LRRC37A2: variants seen among roughly 807,000 people sequenced by gnomAD.
LRRC37A2 encodes leucine rich repeat containing 37 member A2.
A neutral mutation model predicts 68.8 loss-of-function variants in LRRC37A2; 9 were observed. That is an observed-to-expected ratio of 0.13 (90% CI 0.08 to 0.23). The LOEUF is 0.23. Ranked by LOEUF, LRRC37A2 falls within the 10% of genes least tolerant of loss-of-function variation. The pLI, the probability that LRRC37A2 is intolerant of heterozygous loss-of-function variation, is 1.00. For synonymous variants in LRRC37A2, 63 were observed against 367.6 expected, an observed-to-expected ratio of 0.17 and a Z score of 9.48; for missense variants, 168 against 950.4, an observed-to-expected ratio of 0.18 and a Z score of 10.82.
At chr17:46,713,977 C>T in the LRRC37A2 span, 1 of 1,601,588 alleles carries the variant, frequency 6.2e-7, no homozygotes. Flanking sequence ...AATGTCAGGC[C>T]ATGAAGAAGG....
chr17:46,876,615 G>C, the LRRC37A2 span: 1 of 1,611,884 alleles, frequency 6.2e-7, no homozygotes, highest in Non-Finnish European at 8.5e-7. Context: ...GACACCCAGA[G>C]CCGCCTGGTG....
chr17:47,020,147 G>C, the LRRC37A2 span, among the ~76,000 whole-genome samples: 2 of 151,070 alleles, frequency 1.3e-5, no homozygotes, highest in Non-Finnish European at 2.9e-5. Flanking sequence ...GTGGTTAAGA[G>C]TTGATTCCAG....
chr17:46,730,294 T>A, the LRRC37A2 span, among the ~76,000 whole-genome samples: 1 of 152,186 alleles, frequency 6.6e-6, no homozygotes, highest in African/African-American at 2.4e-5. Flanking sequence ...TTTAAATTTA[T>A]CTCTTAAAAT....
the LRRC37A2 span, among the ~76,000 whole-genome samples, chr17:46,902,461 CGTGT>C: frequency 5.5e-4 from 81 of 148,102 alleles, no homozygotes; most frequent in Middle Eastern, 3.5e-3. Flanking sequence ...GGGAACAGTG[CGTGT>C]GTGTGTGTGT....
chr17:46,812,901 A>C, the LRRC37A2 span, among the ~76,000 whole-genome samples: 1 of 152,174 alleles, frequency 6.6e-6, no homozygotes, highest in African/African-American at 2.4e-5. Flanking sequence ...TCATTTTCAA[A>C]ACCCTATGAA....
chr17:47,026,786 T>C, the LRRC37A2 span, among the ~76,000 whole-genome samples: 1 of 152,324 alleles, frequency 6.6e-6, no homozygotes, highest in East Asian at 1.9e-4. Flanking sequence ...TTCAAAGTTA[T>C]GTATTAGGTA....
chr17:46,875,115 G>T, the LRRC37A2 span: 1 of 1,613,832 alleles, frequency 6.2e-7, no homozygotes, highest in Non-Finnish European at 8.5e-7. Context: ...CAAAGAGACA[G>T]CTTTCCTGTA....
chr17:46,962,188 G>T, the LRRC37A2 span, among the ~76,000 whole-genome samples: 2 of 152,164 alleles, frequency 1.3e-5, no homozygotes, highest in African/African-American at 4.8e-5. Context: ...AATTAGCCGG[G>T]CGTGATGGCA....
chr17:46,782,117 T>G, the LRRC37A2 span, among the ~76,000 whole-genome samples: 1 of 152,204 alleles, frequency 6.6e-6, no homozygotes, highest in South Asian at 2.1e-4. Context: ...CAGGGTGCTC[T>G]CCAGGGCCAA....
At chr17:46,793,902 C>T in the LRRC37A2 span, among the ~76,000 whole-genome samples, 635 of 152,268 alleles carry the variant, frequency 4.2e-3, 5 homozygotes, top group African/African-American at 0.015. Context: ...CCCATGCTAT[C>T]GCTATTTTGC....
chr17:46,802,673 A>G, the LRRC37A2 span, among the ~76,000 whole-genome samples: 1 of 152,180 alleles, frequency 6.6e-6, no homozygotes, highest in South Asian at 2.1e-4. Flanking sequence ...GGTTTAATCA[A>G]TGATACCTAT....
the LRRC37A2 span, among the ~76,000 whole-genome samples, chr17:46,961,633 A>G: frequency 6.6e-6 from 1 of 152,198 alleles, no homozygotes; most frequent in African/African-American, 2.4e-5. Flanking sequence ...ATAAATGAAA[A>G]GATGAAATAC....
chr17:46,742,953 G>A, the LRRC37A2 span, among the ~76,000 whole-genome samples: 1 of 152,156 alleles, frequency 6.6e-6, no homozygotes, highest in South Asian at 2.1e-4. Flanking sequence ...ATAGACCAAA[G>A]GACCTCTACC....
At chr17:46,858,662 G>A in the LRRC37A2 span, among the ~76,000 whole-genome samples, 64 of 151,922 alleles carry the variant, frequency 4.2e-4, no homozygotes, top group African/African-American at 8.2e-4. Flanking sequence ...TGATCCTCAG[G>A]GCCATTCCTC....
the LRRC37A2 span, among the ~76,000 whole-genome samples, chr17:46,823,109 ATATAT>A: frequency 8.9e-4 from 80 of 89,754 alleles, no homozygotes; most frequent in South Asian, 0.02. Context: ...TAATAAACAC[ATATAT>A]TATATATTAT....
At chr17:46,820,535 G>C in the LRRC37A2 span, among the ~76,000 whole-genome samples, 1 of 152,130 alleles carries the variant, frequency 6.6e-6, no homozygotes, top group Non-Finnish European at 1.5e-5. Flanking sequence ...TCGTGAACCT[G>C]ACCAGGAGTG....
At chr17:46,958,662 A>G in the LRRC37A2 span, among the ~76,000 whole-genome samples, 1 of 152,006 alleles carries the variant, frequency 6.6e-6, no homozygotes, top group South Asian at 2.1e-4. Context: ...CCCTCCCACC[A>G]CTCCCTCTGA....
chr17:46,517,091 T>TA, intron 2 of LRRC37A2: 1 of 694,132 alleles, frequency 1.4e-6, no homozygotes, highest in Non-Finnish European at 2.2e-6. Context: ...ATAAAATACT[T>TA]ACATTCAAAG....
chr17:46,808,876 G>A, the LRRC37A2 span, among the ~76,000 whole-genome samples: 1 of 152,108 alleles, frequency 6.6e-6, no homozygotes, highest in Non-Finnish European at 1.5e-5. Flanking sequence ...TGGGACAGCA[G>A]CCTGCTCAGG....
Sources: allele counts gnomAD v4.1 joint callset (sites outside exome capture counted in the v4.1 genomes callset), GRCh38; gene constraint gnomAD v4.1.1; transcripts MANE v1.5; gene names NCBI Gene and HGNC (gene_info 2026-07-23, HGNC 2026-07-21).